ANKS1B: variants seen among roughly 807,000 people sequenced by gnomAD.
The protein encoded by ANKS1B is ankyrin repeat and sterile alpha motif domain-containing protein 1B.
Under a neutral mutation model 148.3 loss-of-function variants are expected in ANKS1B, and 36 were observed. The observed-to-expected ratio is 0.24, with a 90% CI of 0.19 to 0.32. The LOEUF is 0.32. ANKS1B is among the 10% of genes least tolerant of loss of function. The pLI is 1.00. For synonymous variants in ANKS1B, 542 were observed against 560.8 expected (o/e 0.97, Z 0.47); for missense variants, 1,157 against 1,542.6 (o/e 0.75, Z 4.19).
chr12:99,534,710 CTTT>C (rs143251962), intron 9 of ANKS1B, among the ~76,000 whole-genome samples: 4 of 123,826 alleles, frequency 3.2e-5, no homozygotes, highest in Non-Finnish European at 6.7e-5. Context: ...TTTTTCTTTT[CTTT>C]TTTTTTTTTT....
chr12:99,439,945 C>G (rs1386822236), intron 11 of ANKS1B, among the ~76,000 whole-genome samples: 1 of 151,652 alleles, frequency 6.6e-6, no homozygotes, highest in Non-Finnish European at 1.5e-5. Flanking sequence ...GTATATTAAT[C>G]CAATGGTAAA....
intron 17 of ANKS1B, among the ~76,000 whole-genome samples, chr12:98,947,209 C>A (rs1208869092): frequency 6.6e-6 from 1 of 152,052 alleles, no homozygotes; most frequent in Non-Finnish European, 1.5e-5. Context: ...AAATGGGGAA[C>A]CACAGAAGGC....
At chr12:99,597,855 T>C (rs1413491042) in intron 9 of ANKS1B, among the ~76,000 whole-genome samples, 2 of 152,052 alleles carry the variant, frequency 1.3e-5, no homozygotes, top group Non-Finnish European at 2.9e-5. Flanking sequence ...ATGGAATAAT[T>C]CTATACCTCT....
Position 99,366,277 on chromosome 12 carries a change from T to A in ANKS1B, c.1756+33354A>T, listed in dbSNP as rs377165570. Among the ~76,000 whole-genome samples the A allele has an allele frequency of 5.3e-5, 8 of 152,324 alleles. No individual in the cohort carries two copies. The East Asian group carries it at 1.2e-3, about 22-fold the overall frequency. On this transcript the variant is annotated intron_variant, in intron 12 of 26. Coordinates refer to ENST00000683438, the MANE Select transcript of ANKS1B (RefSeq NM_001352186.2). ...TGTCCCTTTTTTATGGTTCCATTAT[T>A]TCCTTGGTTTTCTTGGTTCCCGGGC...
At chr12:98,889,971 G>A (rs1288218216) in intron 17 of ANKS1B, among the ~76,000 whole-genome samples, 2 of 152,104 alleles carry the variant, frequency 1.3e-5, no homozygotes, top group East Asian at 1.9e-4. Flanking sequence ...TAAAGAGGAC[G>A]TGTGATTGGA....
chr12:98,739,563 C>G (rs1014313993), downstream of ANKS1B, among the ~76,000 whole-genome samples: 62 of 152,076 alleles, frequency 4.1e-4, 1 homozygote, highest in African/African-American at 1.4e-3. Flanking sequence ...TACTTTGAAA[C>G]TCTTAAGGGA....
At chr12:98,746,422 C>A (rs1385578190) in intron 26 of ANKS1B, among the ~76,000 whole-genome samples, 1 of 152,210 alleles carries the variant, frequency 6.6e-6, no homozygotes, top group African/African-American at 2.4e-5. Context: ...CAGACACCTG[C>A]ATGCCTCATG....
At chr12:99,492,662 C>A (rs1232006850) in intron 10 of ANKS1B, among the ~76,000 whole-genome samples, 3 of 152,150 alleles carry the variant, frequency 2.0e-5, no homozygotes, top group Non-Finnish European at 4.4e-5. Flanking sequence ...AAAATACTTG[C>A]AAACTTAATC....
At chr12:99,498,843 G>A (rs927191053) in intron 10 of ANKS1B, among the ~76,000 whole-genome samples, 1 of 152,026 alleles carries the variant, frequency 6.6e-6, no homozygotes, top group African/African-American at 2.4e-5. Flanking sequence ...AGTAACAAAG[G>A]GAATACATCA....
intron 10 of ANKS1B, among the ~76,000 whole-genome samples, chr12:99,445,581 T>C (rs1481827440): frequency 2.0e-5 from 3 of 152,072 alleles, no homozygotes; most frequent in Admixed American, 2.0e-4. Context: ...ATGTTGATAG[T>C]AGAGGAGGCT....
At chr12:99,932,750 G>A (rs192014080) in intron 1 of ANKS1B, among the ~76,000 whole-genome samples, 1 of 151,772 alleles carries the variant, frequency 6.6e-6, no homozygotes, top group Non-Finnish European at 1.5e-5. Context: ...TTCCTTTACT[G>A]TGCAGAAGCT....
intron 8 of ANKS1B, among the ~76,000 whole-genome samples, chr12:99,765,353 A>AT (rs569367176): frequency 8.9e-4 from 135 of 152,212 alleles, no homozygotes; most frequent in African/African-American, 3.1e-3. Flanking sequence ...CTGTTTACTG[A>AT]TTTTTTTAGT....
chr12:99,796,938 T>A (rs960768124), intron 4 of ANKS1B, among the ~76,000 whole-genome samples: 1 of 151,964 alleles, frequency 6.6e-6, no homozygotes, highest in South Asian at 2.1e-4. Context: ...GATAAACATA[T>A]TTTTAGCCTG....
intron 22 of ANKS1B, among the ~76,000 whole-genome samples, chr12:98,791,857 A>T (rs924999361): frequency 6.6e-6 from 1 of 152,242 alleles, no homozygotes; most frequent in African/African-American, 2.4e-5. Flanking sequence ...AGAGGAACAA[A>T]ACATGATTTT....
intron 9 of ANKS1B, among the ~76,000 whole-genome samples, chr12:99,541,653 G>C (rs1343528897): frequency 6.6e-6 from 1 of 152,008 alleles, no homozygotes; most frequent in South Asian, 2.1e-4. Context: ...TCAGGAGCTC[G>C]AGACCAGCCT....
chr12:98,952,867 AT>A, intron 17 of ANKS1B, among the ~76,000 whole-genome samples: 1 of 152,046 alleles, frequency 6.6e-6, no homozygotes, highest in East Asian at 1.9e-4. Flanking sequence ...AACTTCCTTT[AT>A]TTTTTTAAGA....
At chr12:99,498,335 C>T (rs191954642) in intron 10 of ANKS1B, among the ~76,000 whole-genome samples, 1 of 152,264 alleles carries the variant, frequency 6.6e-6, no homozygotes, top group Admixed American at 6.5e-5. Context: ...ATGCATTCTA[C>T]CCTAGTATCA....
Position 99,244,376 on chromosome 12 carries a change from G to C in ANKS1B, c.2385C>G (p.Asn795Lys). The C allele has an allele frequency of 6.2e-7, 1 of 1,607,290 alleles. No individual in the cohort carries two copies. Among genetic ancestry groups the C allele is most frequent in the Non-Finnish European group, 8.5e-7 (1 of 1,177,514 alleles). The change falls in exon 14 of 27, where the codon AAC (asparagine) becomes AAG (lysine). Residue 795 changes from asparagine to lysine, a missense_variant. By Grantham distance (94) the Asn-to-Lys change is moderately conservative. Transcript: ENST00000683438. ...CACCATTCATCTCTTTAAGTTCGTT[G>C]TTGATTCCAACATCTATGGAACTCA... ...KIMSSIDVGI[N>K]NELKEMNGET...
intron 14 of ANKS1B, among the ~76,000 whole-genome samples, chr12:99,238,609 C>T (rs1318993575): frequency 1.3e-5 from 2 of 152,216 alleles, no homozygotes; most frequent in Non-Finnish European, 2.9e-5. Context: ...CCTCCTCAAG[C>T]AGGTCCCTGA....
Sources: allele counts gnomAD v4.1 joint callset (sites outside exome capture counted in the v4.1 genomes callset), GRCh38; gene constraint gnomAD v4.1.1; transcripts MANE v1.5; gene names NCBI Gene and HGNC (gene_info 2026-07-23, HGNC 2026-07-21).